Variants in DACH1 observed in about 807,000 individuals in gnomAD.
DACH1 encodes dachshund homolog 1.
In DACH1, 12 loss-of-function variants were observed where a neutral mutation model predicts 54.2. The ratio of observed to expected loss-of-function variants is 0.22; its 90% CI spans 0.14 to 0.36. DACH1 has a LOEUF of 0.36. Among genes scored for constraint, DACH1 ranks in the 10% least tolerant of loss-of-function variants. The pLI is 1.00. For missense variants in DACH1, 805 were observed against 929.8 expected, an observed-to-expected ratio of 0.87 and a Z score of 1.75; for synonymous variants, 386 against 366.2, an observed-to-expected ratio of 1.05 and a Z score of -0.62.
intron 4 of DACH1, among the ~76,000 whole-genome samples, chr13:71,561,116 T>G (rs764970592): frequency 6.6e-6 from 1 of 152,144 alleles, no homozygotes; most frequent in Non-Finnish European, 1.5e-5. Flanking sequence ...AGAATGATGA[T>G]CGTGCTCATC....
chr13:71,634,712 C>T (rs2138580278), intron 2 of DACH1, among the ~76,000 whole-genome samples: 1 of 152,264 alleles, frequency 6.6e-6, no homozygotes, highest in East Asian at 1.9e-4. Context: ...ACCCCACTTG[C>T]TTGTGTTTGC....
rs566226749 is a variant in DACH1 at position 71,690,412 on chromosome 13, C to CG, written c.849-8503dup. Among the ~76,000 whole-genome samples, 214 of 152,116 alleles carry CG rather than the reference C, an allele frequency of 1.4e-3. No homozygotes were observed. The Middle Eastern group carries it at 0.017, about 12-fold the overall frequency. ...TCACCTTACAGTTTTCCTTTCTTCCCGTAAGTCTTCCAGGCCACATATGAT... is the reference window on the plus strand; with the variant it reads ...TCACCTTACAGTTTTCCTTTCTTCCCGGTAAGTCTTCCAGGCCACATATGAT... On this transcript the variant is annotated intron_variant, in intron 1 of 10. Transcript: ENST00000613252.
intron 6 of DACH1, among the ~76,000 whole-genome samples, chr13:71,504,771 G>A (rs1880182870): frequency 6.6e-6 from 1 of 152,066 alleles, no homozygotes; most frequent in African/African-American, 2.4e-5. Flanking sequence ...CATGTTCAAT[G>A]TATATCAAGC....
At chr13:71,605,542 T>A (rs746256661) in intron 3 of DACH1, among the ~76,000 whole-genome samples, 11 of 151,834 alleles carry the variant, frequency 7.2e-5, no homozygotes, top group Non-Finnish European at 1.5e-4. Flanking sequence ...TGCTTCACAG[T>A]GTGAATATTT....
chr13:71,572,794 G>A (rs765174281), intron 4 of DACH1, 46 bp downstream of exon 4: 2 of 1,567,642 alleles, frequency 1.3e-6, no homozygotes, highest in Non-Finnish European at 1.7e-6. Flanking sequence ...AAGGGATGGT[G>A]GCTTAAGATG....
intron 1 of DACH1, among the ~76,000 whole-genome samples, chr13:71,703,837 T>C (rs1184109557): frequency 6.6e-6 from 1 of 152,186 alleles, no homozygotes; most frequent in African/African-American, 2.4e-5. Flanking sequence ...CTATGTGAAG[T>C]CTACATGTTA....
At chr13:71,671,498 T>G (rs369740469) in intron 2 of DACH1, among the ~76,000 whole-genome samples, 1 of 152,026 alleles carries the variant, frequency 6.6e-6, no homozygotes, top group African/African-American at 2.4e-5. Flanking sequence ...CATGTCATGT[T>G]TGGGAGAAAA....
intron 3 of DACH1, among the ~76,000 whole-genome samples, chr13:71,612,993 T>C (rs2138520563): frequency 6.6e-6 from 1 of 152,338 alleles, no homozygotes; most frequent in East Asian, 1.9e-4. Context: ...AGCAAGCTGA[T>C]GGTCTCAGGA....
In DACH1 at chr13:71,438,414, TA is replaced by T. The variant is rs1184190730; in HGVS notation, c.*2240del. The T allele has an allele frequency of 6.6e-6, 1 of 152,422 alleles. No individual in the cohort carries two copies. The highest frequency in any genetic ancestry group is 1.5e-5 in the Non-Finnish European group (1 of 67,872). The allele number at this position is 152,422 out of a possible 1,614,324, so 9.4% of individuals were successfully genotyped here. ...AACTAAAACAGGGAAAAAATTAAGT[TA>T]CAGACTTACAATAACATTTCATGAA... On this transcript the variant is annotated 3_prime_UTR_variant, in exon 11 of 11. Transcript: ENST00000613252.
rs1878265441 is a variant in DACH1, at chr13:71,483,852, G to T, written c.1723-4536C>A. 3.3e-5 allele frequency among the ~76,000 whole-genome samples: 5 copies of T among 152,126 alleles called. No homozygotes were observed. The South Asian group carries it at 1.0e-3, about 32-fold the overall frequency. On this transcript the variant is annotated intron_variant, in intron 7 of 10. Coordinates refer to ENST00000613252, the MANE Select transcript of DACH1 (RefSeq NM_080759.6). ...TCTACAGTATTCAATATAGTAATCT[G>T]CTATACAGGTACATAGCCTAGGAGC...
intron 1 of DACH1, among the ~76,000 whole-genome samples, chr13:71,807,443 C>T (rs1887550570): frequency 8.6e-6 from 1 of 116,332 alleles, no homozygotes; most frequent in Admixed American, 8.4e-5. Flanking sequence ...AAAAAAAATC[C>T]TCAATATGTA....
chr13:71,815,659 G>A (rs950606924), intron 1 of DACH1, among the ~76,000 whole-genome samples: 7 of 152,122 alleles, frequency 4.6e-5, no homozygotes, highest in African/African-American at 1.4e-4. Context: ...AATTTCCCAA[G>A]TAATTAAAAC....
chr13:71,763,339 C>T (rs1287223372), intron 1 of DACH1, among the ~76,000 whole-genome samples: 2 of 152,130 alleles, frequency 1.3e-5, no homozygotes, highest in African/African-American at 2.4e-5. Flanking sequence ...GAACAGTTTG[C>T]TACACTGCCT....
At chr13:71,472,863 G>T (rs1439003943) in intron 10 of DACH1, among the ~76,000 whole-genome samples, 1 of 151,964 alleles carries the variant, frequency 6.6e-6, no homozygotes, top group African/African-American at 2.4e-5. Flanking sequence ...TTCTTTCTTT[G>T]ATTGCTTTTG....
intron 1 of DACH1, among the ~76,000 whole-genome samples, chr13:71,849,179 A>C (rs1312444571): frequency 6.6e-6 from 1 of 152,200 alleles, no homozygotes; most frequent in Non-Finnish European, 1.5e-5. Context: ...TAAAAAACTG[A>C]GTTTTGTGTA....
chr13:71,589,045 T>C (rs1383394270), intron 3 of DACH1, among the ~76,000 whole-genome samples: 1 of 151,904 alleles, frequency 6.6e-6, no homozygotes, highest in Non-Finnish European at 1.5e-5. Context: ...AAAAATAAAA[T>C]AAAAAGGAAG....
rs183169646 is a variant in DACH1, at chr13:71,560,545, C to A, written c.1300-590G>T. 2.0e-5 allele frequency among the ~76,000 whole-genome samples: 3 copies of A among 152,134 alleles called. No homozygotes were observed. The East Asian group carries it at 5.8e-4, about 29-fold the overall frequency. On this transcript the variant is annotated intron_variant, in intron 4 of 10. Coordinates refer to ENST00000613252, the MANE Select transcript of DACH1 (RefSeq NM_080759.6). The stretch of plus-strand genomic sequence containing the variant: ...ATAATTCTCAGAGTACCTACCACAC[C>A]TAGCTTCAATTCAACCACACAACTG...
intron 1 of DACH1, among the ~76,000 whole-genome samples, chr13:71,746,184 C>T (rs1449880757): frequency 6.6e-6 from 1 of 152,110 alleles, no homozygotes; most frequent in Non-Finnish European, 1.5e-5. Context: ...CGCCACTGCA[C>T]TCCAGCCTGA....
intron 10 of DACH1, among the ~76,000 whole-genome samples, chr13:71,455,275 T>C (rs1029189044): frequency 1.3e-5 from 2 of 152,156 alleles, no homozygotes; most frequent in Admixed American, 6.5e-5. Context: ...CACACACACA[T>C]ACCTCTCCAT....
Sources: allele counts gnomAD v4.1 joint callset (sites outside exome capture counted in the v4.1 genomes callset), GRCh38; gene constraint gnomAD v4.1.1; transcripts MANE v1.5; gene names NCBI Gene and HGNC (gene_info 2026-07-23, HGNC 2026-07-21).